RPTOR: variants seen among roughly 807,000 people sequenced by gnomAD.
RPTOR encodes regulatory associated protein of MTOR complex 1, also known as regulatory-associated protein of mTOR.
A neutral mutation model predicts 169.9 loss-of-function variants in RPTOR; 21 were observed. That is an observed-to-expected ratio of 0.12 (90% CI 0.09 to 0.18). The LOEUF (loss-of-function observed/expected upper bound fraction) is 0.18. Among genes scored for constraint, RPTOR ranks in the 10% least tolerant of loss-of-function variants. The pLI is 1.00. For missense variants in RPTOR, 1,133 were observed against 1,855.9 expected, an observed-to-expected ratio of 0.61 and a Z score of 7.16; for synonymous variants, 732 against 753.2, an observed-to-expected ratio of 0.97 and a Z score of 0.46.
chr17:80,878,819 C>G lies in RPTOR; in HGVS notation c.1510-1596C>G, dbSNP rs1222542166. 1.3e-5 allele frequency among the ~76,000 whole-genome samples: 2 copies of G among 152,204 alleles called. No homozygotes were observed. The highest frequency in any genetic ancestry group is 1.5e-5 in the Non-Finnish European group (1 of 68,038). Reference sequence around the variant, plus strand: ...CAAGGCAGGATCATTTTATTCCCTTCCAGAGCCAGCACTTGCAGAAGTGTC... The same window carrying G: ...CAAGGCAGGATCATTTTATTCCCTTGCAGAGCCAGCACTTGCAGAAGTGTC... On this transcript the variant is annotated intron_variant, in intron 13 of 33. Transcript: ENST00000306801. The surrounding 1 kb of genome is among the most constrained non-coding windows in gnomAD (Gnocchi z 4.1).
At position 80,836,005 on chromosome 17, in the gene RPTOR, C is replaced by T. The variant is rs1447817424; in HGVS notation, c.1137-1917C>T. On this transcript the variant is annotated intron_variant, in intron 9 of 33. Transcript: ENST00000306801. ...CTTTGTGTCAGCCGCTCTACGAGGA[C>T]GCTGTGAGGGAGGCATGATCATAAG... 2.6e-5 allele frequency among the ~76,000 whole-genome samples: 4 copies of T among 152,208 alleles called. 1 individual carries two copies. The highest frequency in any genetic ancestry group is 2.4e-5 in the African/African-American group (1 of 41,542).
rs548998284 is a variant in RPTOR at position 80,773,949 on chromosome 17, G to T, written c.831-17501G>T. On this transcript the variant is annotated intron_variant, in intron 6 of 33. Transcript: ENST00000306801. ...CAGGGCTATGCGGCCTGCCCTGGGG[G>T]CTATGGTGCTGAATCCTGACAAAGG... 1.6e-5 allele frequency: 16 copies of T among 985,296 alleles called. No individual in the cohort carries two copies. In the African/African-American group the frequency reaches 2.6e-4, roughly 16 times the overall value. 61.0% of individuals were successfully genotyped at this position (985,296 alleles called of 1,614,324 possible).
intron 7 of RPTOR, chr17:80,802,770 G>A (rs1285979941): frequency 6.6e-6 from 1 of 152,398 alleles, no homozygotes; most frequent in Non-Finnish European, 1.5e-5. Flanking sequence ...CGTGTGCCTG[G>A]TCAGTGCCCC....
rs369401757 is a variant in RPTOR, at chr17:80,714,923, A to G, written c.507+6924A>G. On this transcript the variant is annotated intron_variant, in intron 4 of 33. Transcript: ENST00000306801. ...TTTTTAGTAGAGATGGGGTTTCGCC[A>G]TGTTGGCCAGGCTGGTCTGAAACCC... Among the ~76,000 whole-genome samples, 22 of 152,288 alleles carry G rather than the reference A, an allele frequency of 1.4e-4. No individual in the cohort carries two copies. In the East Asian group the frequency reaches 3.9e-3, roughly 27 times the overall value.
In RPTOR at chr17:80,730,661, C is replaced by T; in HGVS notation, c.609C>T (p.Val203=). Residue 203 remains valine (V), a synonymous_variant, in exon 5 of 34, where the codon GTC becomes GTT. Coordinates refer to ENST00000306801, the MANE Select transcript of RPTOR (RefSeq NM_020761.3). This position sits in a 1 kb window ranked among gnomAD's most constrained non-coding sequence, Gnocchi z 4.2. The stretch of plus-strand genomic sequence containing the variant: ...ACTGCTCCAATGCTGGCTTGATCGT[C>T]AAGTCCTTCAAGCAGTTCGCACTAC... ...VYDCSNAGLI[V]KSFKQFALQR... is the part of the protein sequence containing the mutation. 6.2e-7 allele frequency: 1 copy of T among 1,610,810 alleles called. No individual in the cohort carries two copies. Among genetic ancestry groups the T allele is most frequent in the African/African-American group, 1.3e-5 (1 of 74,854 alleles).
chr17:80,553,650 A>G (rs1227209504), intron 1 of RPTOR, among the ~76,000 whole-genome samples: 1 of 152,238 alleles, frequency 6.6e-6, no homozygotes, highest in Non-Finnish European at 1.5e-5. Flanking sequence ...CCATGATATT[A>G]TAAAATCATC....
rs149912653 is a variant in RPTOR, at chr17:80,758,361, T to G, written c.830+4176T>G. Reference sequence around the variant, plus strand: ...CAGGAGTGCGGTTGAGCTCAGAGAGTGGACTGAAGTCCAAGTCCATTGTGG... The same window carrying G: ...CAGGAGTGCGGTTGAGCTCAGAGAGGGGACTGAAGTCCAAGTCCATTGTGG... On this transcript the variant is annotated intron_variant, in intron 6 of 33. Coordinates refer to ENST00000306801, the MANE Select transcript of RPTOR (RefSeq NM_020761.3). Among the ~76,000 whole-genome samples, 1,415 of 152,070 alleles carry G rather than the reference T, an allele frequency of 9.3e-3. 20 individuals carry two copies. Among genetic ancestry groups the G allele is most frequent in the African/African-American group, 0.029 (1,184 of 41,456 alleles).
rs563545645 is a variant in RPTOR at position 80,620,276 on chromosome 17, A to G, written c.163-5415A>G. Among the ~76,000 whole-genome samples, 288 of 152,338 alleles carry G rather than the reference A, an allele frequency of 1.9e-3. 1 individual carries two copies. Among genetic ancestry groups the G allele is most frequent in the African/African-American group, 6.7e-3 (279 of 41,578 alleles). ...TCTTAAATTACATTGCATTGGAGGA[A>G]AATGTCTTAAAGTCAAAAAACTTAT... On this transcript the variant is annotated intron_variant, in intron 1 of 33. Transcript: ENST00000306801.
chr17:80,918,001 C>G (rs1488297256), intron 21 of RPTOR, among the ~76,000 whole-genome samples: 1 of 152,216 alleles, frequency 6.6e-6, no homozygotes, highest in Non-Finnish European at 1.5e-5. Context: ...GCACCTCCAC[C>G]ACAAGGATGG....
chr17:80,839,774 A>T (rs1230530851), intron 10 of RPTOR, among the ~76,000 whole-genome samples: 1 of 152,228 alleles, frequency 6.6e-6, no homozygotes, highest in Non-Finnish European at 1.5e-5. Flanking sequence ...CTTTTAAGAG[A>T]TCAGAATAAT....
chr17:80,893,076 G>T (rs1399607712), intron 19 of RPTOR, among the ~76,000 whole-genome samples: 1 of 152,246 alleles, frequency 6.6e-6, no homozygotes, highest in Non-Finnish European at 1.5e-5. Context: ...TAGCCAGCGG[G>T]CCCGTTACCA....
chr17:80,597,556 G>T (rs148477207), intron 1 of RPTOR, among the ~76,000 whole-genome samples: 43 of 152,212 alleles, frequency 2.8e-4, no homozygotes, highest in African/African-American at 1.0e-3. Flanking sequence ...TTGAGACAGG[G>T]TCTTACCCTG....
chr17:80,822,859 A>G (rs1389594480), intron 8 of RPTOR, among the ~76,000 whole-genome samples: 2 of 152,042 alleles, frequency 1.3e-5, no homozygotes, highest in Non-Finnish European at 2.9e-5. Flanking sequence ...GTGCACACAC[A>G]TGTATGTATG....
chr17:80,747,382 A>G (rs2066586207), intron 5 of RPTOR, among the ~76,000 whole-genome samples: 1 of 152,160 alleles, frequency 6.6e-6, no homozygotes, highest in Admixed American at 6.5e-5. Context: ...GAGCACTGTC[A>G]TTGCCTGTCA....
chr17:80,577,033 CT>C (rs11451555), intron 1 of RPTOR, among the ~76,000 whole-genome samples: 142 of 142,670 alleles, frequency 1.0e-3, no homozygotes, highest in South Asian at 1.6e-3. Flanking sequence ...AGTCATAATT[CT>C]TTTTTTTTTT....
chr17:80,665,450 T>TG (rs1567846459), intron 3 of RPTOR, among the ~76,000 whole-genome samples: 4 of 24,554 alleles, frequency 1.6e-4, no homozygotes, highest in African/African-American at 1.3e-3. Context: ...TTCCTTTCCT[T>TG]TCCTTTCCTT....
chr17:80,801,738 T>C (rs2067159959), intron 7 of RPTOR: 1 of 152,120 alleles, frequency 6.6e-6, no homozygotes, highest in African/African-American at 2.4e-5. Context: ...ACTGCTGAGA[T>C]GAGTAACGAG....
chr17:80,906,362 C>A (rs1306475160), intron 20 of RPTOR, among the ~76,000 whole-genome samples: 6 of 152,212 alleles, frequency 3.9e-5, no homozygotes, highest in African/African-American at 1.4e-4. Flanking sequence ...GCTTGTGGAT[C>A]TACACGGCTA....
At chr17:80,781,778 G>A (rs1289129102) in intron 6 of RPTOR, among the ~76,000 whole-genome samples, 13 of 152,238 alleles carry the variant, frequency 8.5e-5, no homozygotes, top group African/African-American at 2.9e-4. Flanking sequence ...TAATGTCTGC[G>A]TTATTCCAGC....
Sources: gnomAD v4.1 joint callset for allele counts (sites outside exome capture counted in the v4.1 genomes callset) on GRCh38, gnomAD v4.1.1 for gene constraint, Gnocchi (gnomAD v3.1) non-coding constraint, MANE v1.5 for transcripts, NCBI Gene and HGNC (gene_info 2026-07-23, HGNC 2026-07-21) for gene names.